TENM1: variants seen among roughly 807,000 people sequenced by gnomAD.
TENM1 encodes the protein teneurin-1.
Under a neutral mutation model 174.8 loss-of-function variants are expected in TENM1, and 35 were observed. That is an observed-to-expected ratio of 0.20 (90% CI 0.15 to 0.27). The LOEUF is 0.27. Among genes scored for constraint, TENM1 ranks in the 10% least tolerant of loss-of-function variants. The pLI is 1.00. For missense variants in TENM1, 1,633 were observed against 2,130.1 expected (o/e 0.77, Z 4.59); for synonymous variants, 781 against 798.7 (o/e 0.98, Z 0.37).
chrX:124,854,564 T>C (rs190555694), intron 3 of TENM1, among the ~76,000 whole-genome samples: 2 of 111,971 alleles, frequency 1.8e-5, no homozygotes, highest in East Asian at 5.6e-4. Flanking sequence ...GAAAAGTAGA[T>C]TTATCAGTCC....
At chrX:125,137,889 TA>T in the TENM1 span, among the ~76,000 whole-genome samples, 1 of 111,916 alleles carries the variant, frequency 8.9e-6, no homozygotes, top group Non-Finnish European at 1.9e-5. Flanking sequence ...GGAAGGTTAT[TA>T]AGGTGTGTTT....
intron 22 of TENM1, among the ~76,000 whole-genome samples, chrX:124,471,567 A>T (rs1291177740): frequency 1.3e-5 from 1 of 74,674 alleles, no homozygotes; most frequent in Non-Finnish European, 2.3e-5. Flanking sequence ...TATATAATAC[A>T]TCATAATATA....
intron 1 of TENM1, among the ~76,000 whole-genome samples, chrX:124,949,582 T>A (rs1046288073): frequency 1.8e-5 from 2 of 111,391 alleles, no homozygotes; most frequent in Admixed American, 9.5e-5. Flanking sequence ...CCAGAGCAAG[T>A]AGTTTCTAGG....
chrX:124,585,210 C>T (rs1392478525), intron 11 of TENM1, among the ~76,000 whole-genome samples: 2 of 111,571 alleles, frequency 1.8e-5, no homozygotes, highest in South Asian at 3.9e-4. Context: ...CAGAACTCTC[C>T]ACCCCAAATC....
At chrX:124,706,677 T>C (rs937942498) in intron 4 of TENM1, among the ~76,000 whole-genome samples, 1 of 111,969 alleles carries the variant, frequency 8.9e-6, no homozygotes, top group African/African-American at 3.2e-5. Flanking sequence ...CAAAAACAAA[T>C]AAATAAATAA....
intron 6 of TENM1, among the ~76,000 whole-genome samples, chrX:124,669,069 A>G (rs779526976): frequency 8.9e-6 from 1 of 112,090 alleles, no homozygotes; most frequent in South Asian, 3.7e-4. Flanking sequence ...GTGATTTTCC[A>G]ATCTTTTGGT....
intron 16 of TENM1, among the ~76,000 whole-genome samples, chrX:124,528,432 C>G (rs914705829): frequency 1.8e-5 from 2 of 110,873 alleles, no homozygotes; most frequent in African/African-American, 6.6e-5. Flanking sequence ...CAGGCCTCCA[C>G]GAGAAGTCAA....
chrX:124,763,970 T>C (rs1348032401), intron 3 of TENM1, among the ~76,000 whole-genome samples: 1 of 112,137 alleles, frequency 8.9e-6, no homozygotes, highest in African/African-American at 3.3e-5. Context: ...TTATTTAACA[T>C]ATAATGGTTA....
At chrX:124,471,547 T>A (rs865817810) in intron 22 of TENM1, among the ~76,000 whole-genome samples, 3 of 45,203 alleles carry the variant, frequency 6.6e-5, no homozygotes, top group African/African-American at 3.1e-4. Context: ...AGTAATATAT[T>A]ATATATAATT....
At chrX:124,492,452 T>G (rs1385845491) in intron 20 of TENM1, among the ~76,000 whole-genome samples, 2 of 111,156 alleles carry the variant, frequency 1.8e-5, no homozygotes, top group African/African-American at 6.5e-5. Context: ...CCACAAATTA[T>G]ATGTACAATG....
At chrX:125,105,476 T>C in the TENM1 span, among the ~76,000 whole-genome samples, 1 of 111,683 alleles carries the variant, frequency 9.0e-6, no homozygotes, top group African/African-American at 3.3e-5. Flanking sequence ...CCTGGGTACA[T>C]GTTCTCACCT....
intron 18 of TENM1, among the ~76,000 whole-genome samples, chrX:124,505,981 G>C (rs996320130): frequency 3.6e-5 from 4 of 111,910 alleles, no homozygotes; most frequent in African/African-American, 1.3e-4. Flanking sequence ...CAGGTGGTTA[G>C]AGAGCACACT....
chrX:124,547,170 A>C (rs901662307), intron 14 of TENM1, 80 bp from the exon 18 acceptor site: 1 of 750,468 alleles, frequency 1.3e-6, no homozygotes, highest in African/African-American at 2.1e-5. Context: ...TAAATGGAGA[A>C]AATTCTAAAA....
At chrX:124,382,938 C>CTACTTATT (rs1556624592) in intron 30 of TENM1, 126 bp from the exon 34 acceptor site, 11 of 139,970 alleles carry the variant, frequency 7.9e-5, no homozygotes, top group African/African-American at 4.1e-4. Flanking sequence ...AATAAAACTC[C>CTACTTATT]TATTTATTTA....
At chrX:124,589,977 T>C (rs2049690939) in intron 11 of TENM1, among the ~76,000 whole-genome samples, 1 of 111,634 alleles carries the variant, frequency 9.0e-6, no homozygotes, top group Admixed American at 9.6e-5. Context: ...TTTGTTCTTG[T>C]TTTCTATTTC....
At chrX:124,807,141 C>G (rs966709981) in intron 3 of TENM1, among the ~76,000 whole-genome samples, 2 of 102,951 alleles carry the variant, frequency 1.9e-5, no homozygotes, top group African/African-American at 8.0e-5. Context: ...AGGGCAAGAG[C>G]TCATTCATTA....
chrX:125,187,453 TG>T, the TENM1 span, among the ~76,000 whole-genome samples: 1 of 111,560 alleles, frequency 9.0e-6, no homozygotes, highest in African/African-American at 3.3e-5. Context: ...TTTTTCATGA[TG>T]TTTTTATAGT....
At chrX:125,010,906 G>A in the TENM1 span, among the ~76,000 whole-genome samples, 1 of 110,666 alleles carries the variant, frequency 9.0e-6, no homozygotes, top group Non-Finnish European at 1.9e-5. Flanking sequence ...CAAAGCTGCA[G>A]GTATCACACT....
Position 124,717,786 on chromosome X carries a change from G to A in TENM1, c.777-12535C>T, listed in dbSNP as rs181882394. On this transcript the variant is annotated intron_variant, in intron 4 of 31. Coordinates refer to ENST00000422452, the Ensembl canonical transcript of TENM1. ...ATGCATATAGTACAACCACAATTACGTGCTGTCCCCTCCCACACAAAACCA... is the reference window on the plus strand; with the variant it reads ...ATGCATATAGTACAACCACAATTACATGCTGTCCCCTCCCACACAAAACCA... Among the ~76,000 whole-genome samples, 8 of 111,872 alleles carry A rather than the reference G, an allele frequency of 7.2e-5. No homozygotes were observed. In the East Asian group the frequency reaches 1.1e-3, roughly 16 times the overall value.
Sources: gnomAD v4.1 joint callset for allele counts (sites outside exome capture counted in the v4.1 genomes callset) on GRCh38, gnomAD v4.1.1 for gene constraint, MANE v1.5 for transcripts, NCBI Gene and HGNC (gene_info 2026-07-23, HGNC 2026-07-21) for gene names.